The following P2RY8 variants were observed in gnomAD, a reference collection of about 807,000 sequenced individuals.
The protein encoded by P2RY8 is S-geranylgeranyl-glutathione receptor P2RY8.
P2RY8 carries 6 observed loss-of-function variants against 10.0 expected under a neutral mutation model. The ratio of observed to expected loss-of-function variants is 0.60; its 90% CI spans 0.33 to 1.19. The LOEUF (loss-of-function observed/expected upper bound fraction) is 1.19, where lower values mean the gene tolerates loss of function less well. Among genes scored for constraint, P2RY8 ranks in the 50% most tolerant of loss-of-function variants. The probability of loss-of-function intolerance (pLI) is 0.04; values close to 1 mark genes in which losing one functional copy is unlikely to be tolerated. For missense variants in P2RY8, 456 were observed against 542.0 expected, an observed-to-expected ratio of 0.84 and a Z score of 1.58; for synonymous variants, 276 against 252.5, an observed-to-expected ratio of 1.09 and a Z score of -0.88.
intron 1 of P2RY8, among the ~76,000 whole-genome samples, chrX:1,518,224 G>A (rs1427202876): frequency 1.3e-5 from 2 of 151,404 alleles, no homozygotes; most frequent in Non-Finnish European, 1.5e-5. Context: ...TCAGGAGTTC[G>A]AGACCATCCT....
intron 1 of P2RY8, among the ~76,000 whole-genome samples, chrX:1,514,091 T>C (rs2092320575): frequency 6.6e-6 from 1 of 152,150 alleles, no homozygotes; most frequent in East Asian, 1.9e-4. Context: ...CTTGTGCCCG[T>C]TTTCCTTTAA....
At chrX:1,485,615 AATT>A (rs765026866) in intron 1 of P2RY8, among the ~76,000 whole-genome samples, 24 of 148,176 alleles carry the variant, frequency 1.6e-4, no homozygotes, top group African/African-American at 4.6e-4. Flanking sequence ...ATAATGTATA[AATT>A]ATTATTATAT....
chrX:1,530,167 TCTATCTATC>T (rs1569538872), intron 1 of P2RY8, among the ~76,000 whole-genome samples: 20 of 14,074 alleles, frequency 1.4e-3, no homozygotes, highest in African/African-American at 1.9e-3. Flanking sequence ...GATCTATCTA[TCTATCTATC>T]TATCTATCTA....
chrX:1,467,387 A>G (rs749651495), intron 1 of P2RY8, among the ~76,000 whole-genome samples: 1 of 152,232 alleles, frequency 6.6e-6, no homozygotes, highest in African/African-American at 2.4e-5. Context: ...TTCAGGGAGA[A>G]GTTTTCTGAC....
At chrX:1,502,563 G>A (rs1272456864) in intron 1 of P2RY8, among the ~76,000 whole-genome samples, 5 of 152,286 alleles carry the variant, frequency 3.3e-5, no homozygotes, top group African/African-American at 1.2e-4. Context: ...TTCCCCACCT[G>A]CAAACCCAGA....
At position 1,530,630 on chromosome X, in the gene P2RY8, CCTAT is replaced by C. The variant is rs201542092; in HGVS notation, c.-25+6287_-25+6290del. Among the ~76,000 whole-genome samples, 851 of 150,686 alleles carry C rather than the reference CCTAT, an allele frequency of 5.6e-3. 4 individuals carry two copies. Among genetic ancestry groups the C allele is most frequent in the African/African-American group, 0.019 (795 of 41,340 alleles). On this transcript the variant is annotated intron_variant, in intron 1 of 1. Transcript: ENST00000381297. ...TATATGTATGTGTGTATCTATCTAT[CCTAT>C]CTATCTATCTCTCATCTATCTATGT... is the stretch of plus-strand genomic sequence containing the variant.
chrX:1,523,078 A>AAAAAAAAT (rs1556685612), intron 1 of P2RY8, among the ~76,000 whole-genome samples: 1 of 134,810 alleles, frequency 7.4e-6, no homozygotes, highest in Non-Finnish European at 1.6e-5. Context: ...CCCACTGCCA[A>AAAAAAAAT]AAATAAATAA....
intron 1 of P2RY8, among the ~76,000 whole-genome samples, chrX:1,523,638 G>A (rs374860538): frequency 3.3e-5 from 5 of 152,188 alleles, no homozygotes; most frequent in Admixed American, 1.3e-4. Context: ...CACTCTGAAC[G>A]AGCTAAATAC....
intron 1 of P2RY8, among the ~76,000 whole-genome samples, chrX:1,530,149 GTATGTATGATC>G (rs1197694615): frequency 0.04 from 5,216 of 131,986 alleles, 126 homozygotes; most frequent in South Asian, 0.066. Context: ...ATGTATGTAT[GTATGTATGATC>G]TATCTATCTA....
At chrX:1,507,316 G>A (rs2092243550) in intron 1 of P2RY8, among the ~76,000 whole-genome samples, 1 of 152,048 alleles carries the variant, frequency 6.6e-6, no homozygotes, top group Admixed American at 6.6e-5. Context: ...CGGACGAGAT[G>A]AGACCTGACA....
Position 1,536,300 on chromosome X carries a change from C to T in P2RY8, c.-25+621G>A, listed in dbSNP as rs182171855. Among the ~76,000 whole-genome samples the T allele has an allele frequency of 5.2e-3, 784 of 151,292 alleles. 2 individuals carry two copies. The highest frequency in any genetic ancestry group is 0.018 in the African/African-American group (733 of 41,198). ...TTTTCTAAACAGAGTCTCGCTCTGTCGCCCAGGCTGGAGTGCAGTGGCGTG... is the reference window on the plus strand; with the variant it reads ...TTTTCTAAACAGAGTCTCGCTCTGTTGCCCAGGCTGGAGTGCAGTGGCGTG... On this transcript the variant is annotated intron_variant, in intron 1 of 1. Coordinates refer to ENST00000381297, the MANE Select transcript of P2RY8 (RefSeq NM_178129.5).
At position 1,465,356 on chromosome X, in the gene P2RY8, G is replaced by C. The variant is rs1287510684; in HGVS notation, c.*123C>G. On this transcript the variant is annotated 3_prime_UTR_variant, in exon 2 of 2. Coordinates refer to ENST00000381297, the MANE Select transcript of P2RY8 (RefSeq NM_178129.5). Reference sequence around the variant, plus strand: ...TAAAGCCTGGAGACCCTTCCCCACCGGGCCTCTGCAGTGCCTGGGAGCAAC... The same window carrying C: ...TAAAGCCTGGAGACCCTTCCCCACCCGGCCTCTGCAGTGCCTGGGAGCAAC... The C allele has an allele frequency of 6.2e-5, 90 of 1,456,412 alleles. No individual in the cohort carries two copies. In the African/African-American group the frequency reaches 6.9e-4, roughly 11 times the overall value. 90.2% of individuals were successfully genotyped at this position (1,456,412 alleles called of 1,614,324 possible).
At chrX:1,480,483 C>T (rs1377258657) in intron 1 of P2RY8, among the ~76,000 whole-genome samples, 3 of 146,272 alleles carry the variant, frequency 2.1e-5, no homozygotes, top group East Asian at 2.0e-4. Flanking sequence ...GAACTCCTGG[C>T]CTCAAGAGAT....
At chrX:1,508,000 C>T (rs2092250972) in intron 1 of P2RY8, among the ~76,000 whole-genome samples, 1 of 152,096 alleles carries the variant, frequency 6.6e-6, no homozygotes, top group Admixed American at 6.5e-5. Context: ...TGCCGCCTCC[C>T]CCACCTCTTT....
intron 1 of P2RY8, among the ~76,000 whole-genome samples, chrX:1,526,698 A>G (rs2092442666): frequency 6.6e-6 from 1 of 151,870 alleles, no homozygotes; most frequent in Non-Finnish European, 1.5e-5. Flanking sequence ...CCATCCATCC[A>G]TCCAATTCAT....
At chrX:1,536,732 G>A (rs375464641) in intron 1 of P2RY8, among the ~76,000 whole-genome samples, 189 bp downstream of exon 1, 1 of 152,138 alleles carries the variant, frequency 6.6e-6, no homozygotes, top group African/African-American at 2.4e-5. Context: ...CCTAAGTGAC[G>A]AAGCGGCTGT....
At chrX:1,513,503 CTGT>C (rs1384260389) in intron 1 of P2RY8, among the ~76,000 whole-genome samples, 3 of 150,766 alleles carry the variant, frequency 2.0e-5, no homozygotes, top group Non-Finnish European at 4.4e-5. Flanking sequence ...GTGTCTGCCT[CTGT>C]CTCCACGTGG....
chrX:1,490,917 G>A (rs1303082406), intron 1 of P2RY8, among the ~76,000 whole-genome samples: 1 of 143,770 alleles, frequency 7.0e-6, no homozygotes, highest in Non-Finnish European at 1.5e-5. Context: ...CAAATGTGGG[G>A]GGAATGAATG....
chrX:1,517,834 C>A (rs1336401923), intron 1 of P2RY8, among the ~76,000 whole-genome samples: 1 of 152,166 alleles, frequency 6.6e-6, no homozygotes, highest in Non-Finnish European at 1.5e-5. Context: ...CTCGGCCACA[C>A]GCGGTGGCTC....
Sources: allele counts gnomAD v4.1 joint callset (sites outside exome capture counted in the v4.1 genomes callset), GRCh38; gene constraint gnomAD v4.1.1; transcripts MANE v1.5; gene names NCBI Gene and HGNC (gene_info 2026-07-23, HGNC 2026-07-21).